PTPRD: variants seen among roughly 807,000 people sequenced by gnomAD.
The protein encoded by PTPRD is protein tyrosine phosphatase receptor type D, also known as receptor-type tyrosine-protein phosphatase delta.
Under a neutral mutation model 214.5 loss-of-function variants are expected in PTPRD, and 34 were observed. The ratio of observed to expected loss-of-function variants is 0.16; its 90% CI spans 0.12 to 0.21. PTPRD has a LOEUF of 0.21. PTPRD is among the 10% of genes least tolerant of loss of function. PTPRD has a pLI of 1.00. For missense variants in PTPRD, 2,545 were observed against 2,398.7 expected (o/e 1.06, Z -1.27); for synonymous variants, 1,128 against 845.7 (o/e 1.33, Z -5.79).
intron 3 of PTPRD, among the ~76,000 whole-genome samples, chr9:10,173,039 A>T (rs2099220653): frequency 6.6e-6 from 1 of 152,214 alleles, no homozygotes; most frequent in Non-Finnish European, 1.5e-5. Flanking sequence ...GGTGAGTATT[A>T]ATTACCTAAC....
At chr9:10,288,178 TG>T (rs1375774557) in intron 3 of PTPRD, among the ~76,000 whole-genome samples, 1 of 60,568 alleles carries the variant, frequency 1.7e-5, no homozygotes, top group Non-Finnish European at 3.3e-5. Context: ...TGGGTGAGGG[TG>T]GGGATGGTGG....
intron 10 of PTPRD, among the ~76,000 whole-genome samples, chr9:9,073,663 C>A (rs1240240926): frequency 6.6e-6 from 1 of 152,140 alleles, no homozygotes; most frequent in Non-Finnish European, 1.5e-5. Flanking sequence ...TTAACTGCAC[C>A]TCCAGCCTGT....
At chr9:9,853,611 C>T (rs956218433) in intron 5 of PTPRD, among the ~76,000 whole-genome samples, 1 of 151,770 alleles carries the variant, frequency 6.6e-6, no homozygotes, top group African/African-American at 2.4e-5. Context: ...TGCGGTGGTA[C>T]TATCTCAGGT....
intron 9 of PTPRD, among the ~76,000 whole-genome samples, chr9:9,325,180 T>G (rs1969280366): frequency 1.3e-5 from 2 of 152,182 alleles, no homozygotes; most frequent in South Asian, 2.1e-4. Context: ...TGTGGTCTCT[T>G]TTTTGGTTCC....
chr9:9,383,150 T>C lies in PTPRD; in HGVS notation c.-203+14299A>G, dbSNP rs563843963. ...ATGAAATCCTACCATTTTTCTTTTGTGATTTGGCACTTTTCAGGTTTTGTG... is the reference window on the plus strand; with the variant it reads ...ATGAAATCCTACCATTTTTCTTTTGCGATTTGGCACTTTTCAGGTTTTGTG... On this transcript the variant is annotated intron_variant, in intron 9 of 45. Coordinates refer to ENST00000381196, the MANE Select transcript of PTPRD (RefSeq NM_002839.4). Among the ~76,000 whole-genome samples, 347 of 152,186 alleles carry C rather than the reference T, an allele frequency of 2.3e-3. 1 individual carries two copies. Among genetic ancestry groups the C allele is most frequent in the African/African-American group, 7.8e-3 (322 of 41,540 alleles).
chr9:9,038,605 G>A (rs530314398), intron 10 of PTPRD, among the ~76,000 whole-genome samples: 1 of 148,100 alleles, frequency 6.8e-6, no homozygotes, highest in South Asian at 2.2e-4. Context: ...GCCCAGGCTG[G>A]AAATCAGTGG....
chr9:8,456,168 C>A (rs763261194), intron 33 of PTPRD, among the ~76,000 whole-genome samples: 1 of 152,048 alleles, frequency 6.6e-6, no homozygotes, highest in African/African-American at 2.4e-5. Context: ...GCAGTAGCAA[C>A]ACAATAATGA....
chr9:9,875,932 G>T (rs565511927), intron 5 of PTPRD, among the ~76,000 whole-genome samples: 1 of 152,270 alleles, frequency 6.6e-6, no homozygotes, highest in South Asian at 2.1e-4. Context: ...GAAGCAGAAA[G>T]ATGGGATGAG....
chr9:10,526,156 A>G (rs945566345), intron 2 of PTPRD, among the ~76,000 whole-genome samples: 4 of 152,078 alleles, frequency 2.6e-5, no homozygotes, highest in Admixed American at 2.6e-4. Flanking sequence ...GAGGGGCAAC[A>G]CTGCCAACTA....
chr9:8,850,047 G>A (rs563606027), intron 11 of PTPRD, among the ~76,000 whole-genome samples: 3 of 152,126 alleles, frequency 2.0e-5, no homozygotes, highest in Non-Finnish European at 4.4e-5. Context: ...GAAGAAAAGA[G>A]ATAGGGATGA....
intron 8 of PTPRD, among the ~76,000 whole-genome samples, chr9:9,545,839 G>A (rs183867392): frequency 7.5e-4 from 114 of 151,858 alleles, no homozygotes; most frequent in African/African-American, 2.6e-3. Flanking sequence ...AAAATAACTT[G>A]CTGAGATTTT....
At chr9:9,556,421 A>T (rs905152846) in intron 8 of PTPRD, among the ~76,000 whole-genome samples, 1 of 152,222 alleles carries the variant, frequency 6.6e-6, no homozygotes, top group East Asian at 1.9e-4. Context: ...ATTTACATAT[A>T]AGTGGACCTG....
chr9:9,934,616 G>T (rs958290447), intron 5 of PTPRD, among the ~76,000 whole-genome samples: 1 of 151,092 alleles, frequency 6.6e-6, no homozygotes, highest in Non-Finnish European at 1.5e-5. Flanking sequence ...TCCAGGACCA[G>T]ATGGATTCAC....
intron 35 of PTPRD, among the ~76,000 whole-genome samples, chr9:8,417,690 C>G (rs1000954180): frequency 2.0e-5 from 3 of 152,030 alleles, no homozygotes; most frequent in Non-Finnish European, 2.9e-5. Context: ...TTCAAGTATT[C>G]TATTAACTAC....
chr9:10,419,252 C>G (rs2154515140), intron 2 of PTPRD, among the ~76,000 whole-genome samples: 1 of 151,998 alleles, frequency 6.6e-6, no homozygotes, highest in South Asian at 2.1e-4. Context: ...AAAAGATGGC[C>G]ATGTGTCTTT....
At chr9:10,459,942 G>A (rs928397528) in intron 2 of PTPRD, among the ~76,000 whole-genome samples, 4 of 151,700 alleles carry the variant, frequency 2.6e-5, no homozygotes, top group African/African-American at 9.7e-5. Context: ...TTTTTATTAT[G>A]GCAAATATAT....
At chr9:9,732,983 G>T (rs190052987) in intron 7 of PTPRD, among the ~76,000 whole-genome samples, 1 of 151,894 alleles carries the variant, frequency 6.6e-6, no homozygotes, top group African/African-American at 2.4e-5. Context: ...TAAATATGTA[G>T]GACTGAATTC....
rs12343606 is a variant in PTPRD, at chr9:9,509,543, C to A, written c.-237+65189G>T. ...ACCAACTCTTCTTCCTTAGCCCTCC[C>A]TAATTCCTGTTTTCCCACATATGAT... On this transcript the variant is annotated intron_variant, in intron 8 of 45. Transcript: ENST00000381196. Among the ~76,000 whole-genome samples the A allele has an allele frequency of 3.9e-3, 598 of 151,644 alleles. 4 individuals are homozygous for A. Among genetic ancestry groups the A allele is most frequent in the African/African-American group, 0.013 (541 of 41,478 alleles).
At chr9:9,270,544 A>G (rs575089637) in intron 9 of PTPRD, among the ~76,000 whole-genome samples, 14 of 151,518 alleles carry the variant, frequency 9.2e-5, no homozygotes, top group Admixed American at 4.0e-4. Flanking sequence ...AGTGTGAACT[A>G]CAGAGTATAA....
Sources: gnomAD v4.1 joint callset for allele counts (sites outside exome capture counted in the v4.1 genomes callset) on GRCh38, gnomAD v4.1.1 for gene constraint, MANE v1.5 for transcripts, NCBI Gene and HGNC (gene_info 2026-07-23, HGNC 2026-07-21) for gene names.